The following NFATC3 variants were observed in gnomAD, a reference collection of about 807,000 sequenced individuals.
NFATC3 encodes the protein nuclear factor of activated T cells 3, also known as nuclear factor of activated T-cells, cytoplasmic 3.
In NFATC3, 46 loss-of-function variants were observed where a neutral mutation model predicts 98.6. The ratio of observed to expected loss-of-function variants is 0.47; its 90% CI spans 0.37 to 0.60. NFATC3 has a LOEUF of 0.60. Ranked by LOEUF, NFATC3 falls within the 20% of genes least tolerant of loss-of-function variation. NFATC3 has a pLI of 0.00. For missense variants in NFATC3, 1,256 were observed against 1,295.5 expected, an observed-to-expected ratio of 0.97 and a Z score of 0.47; for synonymous variants, 512 against 472.2, an observed-to-expected ratio of 1.08 and a Z score of -1.09.
At position 68,226,562 on chromosome 16, in the gene NFATC3, C is replaced by T. The variant is rs933411300; in HGVS notation, c.*91C>T. On this transcript the variant is annotated 3_prime_UTR_variant, in exon 10 of 10. Coordinates refer to ENST00000346183, the MANE Select transcript of NFATC3 (RefSeq NM_173165.3). ...GTTTCCAACTCTGCAGCCTTCAGGT[C>T]TGGGGCCAGGAGTGGGACCCACCAT... The T allele has an allele frequency of 6.7e-5, 93 of 1,392,452 alleles. 1 individual carries two copies. The Middle Eastern group carries it at 1.1e-3, about 16-fold the overall frequency. The allele number at this position is 1,392,452 out of a possible 1,614,324, so 86.3% of individuals were successfully genotyped here.
chr16:68,106,837 C>T (rs1365686756), intron 1 of NFATC3, among the ~76,000 whole-genome samples: 2 of 151,658 alleles, frequency 1.3e-5, no homozygotes, highest in African/African-American at 4.9e-5. Context: ...TGGTAGTTTG[C>T]CACACCTGTC....
At chr16:68,175,172 A>C (rs1015793556) in intron 6 of NFATC3, among the ~76,000 whole-genome samples, 1 of 152,374 alleles carries the variant, frequency 6.6e-6, no homozygotes, top group East Asian at 1.9e-4. Flanking sequence ...CCAGCATAAA[A>C]GGACACATAG....
intron 9 of NFATC3, among the ~76,000 whole-genome samples, chr16:68,215,858 G>A (rs1457320250): frequency 6.6e-6 from 1 of 150,910 alleles, no homozygotes; most frequent in Non-Finnish European, 1.5e-5. Flanking sequence ...CTCCCGAGTA[G>A]CTGGGACTAC....
intron 6 of NFATC3, among the ~76,000 whole-genome samples, chr16:68,178,975 G>A (rs1486719432): frequency 6.6e-6 from 1 of 152,066 alleles, no homozygotes; most frequent in Admixed American, 6.6e-5. Context: ...GCCATAATCT[G>A]CTGCCAGTCT....
chr16:68,107,099 G>A (rs1021741836), intron 1 of NFATC3, among the ~76,000 whole-genome samples: 2 of 152,144 alleles, frequency 1.3e-5, no homozygotes, highest in Non-Finnish European at 2.9e-5. Context: ...TGGCTGCACA[G>A]TATTCCATGG....
intron 1 of NFATC3, among the ~76,000 whole-genome samples, chr16:68,095,706 C>G (rs2034987146): frequency 6.6e-6 from 1 of 152,190 alleles, no homozygotes; most frequent in Non-Finnish European, 1.5e-5. Flanking sequence ...GTTACTTTCT[C>G]TGGCACTTGC....
At chr16:68,093,394 A>G (rs996373703) in intron 1 of NFATC3, among the ~76,000 whole-genome samples, 3 of 152,132 alleles carry the variant, frequency 2.0e-5, no homozygotes, top group Non-Finnish European at 1.5e-5. Context: ...GCCCAAGGTC[A>G]TTTAACTGGT....
chr16:68,112,157 G>A (rs766069900), intron 1 of NFATC3, among the ~76,000 whole-genome samples: 1 of 151,728 alleles, frequency 6.6e-6, no homozygotes, highest in Non-Finnish European at 1.5e-5. Context: ...TTTGAATGGT[G>A]GCCTATCTTG....
At chr16:68,114,982 AG>A (rs994062373) in intron 1 of NFATC3, among the ~76,000 whole-genome samples, 1 of 152,146 alleles carries the variant, frequency 6.6e-6, no homozygotes, top group African/African-American at 2.4e-5. Flanking sequence ...AAAGGCTAAT[AG>A]TCTTGTAAGT....
At chr16:68,177,440 A>G (rs2039768657) in intron 6 of NFATC3, among the ~76,000 whole-genome samples, 1 of 152,002 alleles carries the variant, frequency 6.6e-6, no homozygotes, top group African/African-American at 2.4e-5. Flanking sequence ...CTCTTTTTGC[A>G]TCTGGAGTTA....
chr16:68,173,074 A>G (rs1191147711), intron 5 of NFATC3, among the ~76,000 whole-genome samples: 2 of 150,522 alleles, frequency 1.3e-5, no homozygotes, highest in Non-Finnish European at 3.0e-5. Flanking sequence ...CTGGGCAACA[A>G]AGTGAGACCC....
At position 68,126,467 on chromosome 16, in the gene NFATC3, C is replaced by T. The variant is rs776774816; in HGVS notation, c.1258C>T (p.Leu420=). The T allele has an allele frequency of 6.2e-7, 1 of 1,613,626 alleles. No homozygotes were observed. Among genetic ancestry groups the T allele is most frequent in the African/African-American group, 1.3e-5 (1 of 74,926 alleles). ...PIFRTSSLPP[L]DWPLPAHFGQ... ...TTGTAGCACATCTTCATTACCTCCA[C>T]TAGACTGGCCTTTACCAGCTCATTT... Residue 420 remains leucine, a synonymous_variant, in exon 3 of 10, where the codon CTA becomes TTA. Coordinates refer to ENST00000346183, the MANE Select transcript of NFATC3 (RefSeq NM_173165.3).
intron 3 of NFATC3, among the ~76,000 whole-genome samples, chr16:68,149,600 G>A (rs891541327): frequency 2.0e-5 from 3 of 152,132 alleles, no homozygotes; most frequent in Non-Finnish European, 4.4e-5. Context: ...AAAAACATTA[G>A]GAAATAGCAG....
chr16:68,212,690 C>T (rs1271601732), intron 9 of NFATC3: 2 of 151,290 alleles, frequency 1.3e-5, no homozygotes, highest in Non-Finnish European at 3.0e-5. Context: ...AAAATACATA[C>T]ATATACAACT....
At chr16:68,136,513 C>T (rs2037419970) in intron 3 of NFATC3, among the ~76,000 whole-genome samples, 1 of 152,160 alleles carries the variant, frequency 6.6e-6, no homozygotes, top group South Asian at 2.1e-4. Flanking sequence ...AAGTGATCCA[C>T]CTGCCTTGGC....
chr16:68,210,086 G>A (rs546506327), intron 9 of NFATC3, among the ~76,000 whole-genome samples: 3 of 151,798 alleles, frequency 2.0e-5, no homozygotes, highest in East Asian at 3.9e-4. Flanking sequence ...TCACGAGGTC[G>A]GGACATTGAG....
chr16:68,213,095 G>A lies in NFATC3; in HGVS notation c.3107-13255G>A, dbSNP rs147385178. Among the ~76,000 whole-genome samples, 1,187 of 149,914 alleles carry A rather than the reference G, an allele frequency of 7.9e-3. 6 individuals carry two copies. The highest frequency in any genetic ancestry group is 0.022 in the African/African-American group (908 of 40,818). ...ATTACAGGTGTGAGCCACCATGCCC[G>A]GCCTGTTTCTTTCTCTTCTTTAAAA... On this transcript the variant is annotated intron_variant, in intron 9 of 9. Coordinates refer to ENST00000346183, the MANE Select transcript of NFATC3 (RefSeq NM_173165.3).
At chr16:68,101,419 C>T (rs926363077) in intron 1 of NFATC3, among the ~76,000 whole-genome samples, 2 of 151,924 alleles carry the variant, frequency 1.3e-5, no homozygotes, top group Non-Finnish European at 1.5e-5. Context: ...GTTGGGATTA[C>T]AGGAGTGAGC....
chr16:68,179,580 G>A (rs1167079974), intron 6 of NFATC3, among the ~76,000 whole-genome samples: 1 of 152,232 alleles, frequency 6.6e-6, no homozygotes, highest in Non-Finnish European at 1.5e-5. Context: ...TGCAAGCTGT[G>A]TGTGGCTTAG....
Sources: gnomAD v4.1 joint callset for allele counts (sites outside exome capture counted in the v4.1 genomes callset) on GRCh38, gnomAD v4.1.1 for gene constraint, MANE v1.5 for transcripts, NCBI Gene and HGNC (gene_info 2026-07-23, HGNC 2026-07-21) for gene names.